CDH20: variants seen among roughly 807,000 people sequenced by gnomAD.
CDH20 encodes cadherin-20.
A neutral mutation model predicts 74.2 loss-of-function variants in CDH20; 29 were observed. The ratio of observed to expected loss-of-function variants is 0.39; its 90% CI spans 0.29 to 0.53. The LOEUF (loss-of-function observed/expected upper bound fraction) is 0.53. CDH20 is among the 20% of genes least tolerant of loss of function. The probability of loss-of-function intolerance (pLI) is 0.69; values close to 1 mark genes in which losing one functional copy is unlikely to be tolerated. For missense variants in CDH20, 988 were observed against 1,048.3 expected (o/e 0.94, Z 0.79); for synonymous variants, 469 against 405.4 (o/e 1.16, Z -1.88).
At chr18:61,464,731 C>T (rs1028703957) in intron 1 of CDH20, among the ~76,000 whole-genome samples, 1 of 152,154 alleles carries the variant, frequency 6.6e-6, no homozygotes, top group Admixed American at 6.5e-5. Context: ...AGCAACCACA[C>T]CCATTTATCA....
intron 2 of CDH20, among the ~76,000 whole-genome samples, chr18:61,496,682 A>T (rs943655617): frequency 4.6e-5 from 7 of 152,150 alleles, no homozygotes; most frequent in African/African-American, 1.7e-4. Flanking sequence ...TGAATATTTC[A>T]AGGATCACGG....
chr18:61,352,879 A>G (rs1910356164), intron 1 of CDH20, among the ~76,000 whole-genome samples: 1 of 152,196 alleles, frequency 6.6e-6, no homozygotes, highest in Non-Finnish European at 1.5e-5. Context: ...AGAAGTTCTC[A>G]TTGTTAGGGA....
chr18:61,373,919 C>A (rs1911124173), intron 1 of CDH20, among the ~76,000 whole-genome samples: 1 of 152,144 alleles, frequency 6.6e-6, no homozygotes, highest in Admixed American at 6.5e-5. Flanking sequence ...CACCATGGCT[C>A]AGATAACAAA....
At chr18:61,426,067 T>G (rs79743694) in intron 1 of CDH20, among the ~76,000 whole-genome samples, 5,684 of 152,254 alleles carry the variant, frequency 0.037, 154 homozygotes, top group South Asian at 0.072. Context: ...CCTGCAACTT[T>G]GTTGAACTCA....
At chr18:61,422,511 T>C (rs1302896375) in intron 1 of CDH20, among the ~76,000 whole-genome samples, 1 of 152,200 alleles carries the variant, frequency 6.6e-6, no homozygotes, top group Non-Finnish European at 1.5e-5. Context: ...CTGTTGACCT[T>C]TGCTGTGTTT....
At chr18:61,468,394 C>T (rs1176343054) in intron 1 of CDH20, among the ~76,000 whole-genome samples, 4 of 152,042 alleles carry the variant, frequency 2.6e-5, no homozygotes, top group African/African-American at 9.7e-5. Flanking sequence ...AAGGAAATCC[C>T]TTTTCATTTC....
chr18:61,513,909 C>G (rs1320607322), intron 6 of CDH20, among the ~76,000 whole-genome samples: 1 of 151,974 alleles, frequency 6.6e-6, no homozygotes, highest in South Asian at 2.1e-4. Flanking sequence ...GTAACCCGAC[C>G]TTTCTCTCTG....
At chr18:61,485,014 A>C (rs723769) in intron 1 of CDH20, among the ~76,000 whole-genome samples, 47,467 of 151,966 alleles carry the variant, frequency 0.31, 7,770 homozygotes, top group South Asian at 0.48. Flanking sequence ...CTGAGTGAAC[A>C]TGATAACAGC....
At chr18:61,505,847 T>A (rs1313828699) in intron 5 of CDH20, among the ~76,000 whole-genome samples, 2 of 152,208 alleles carry the variant, frequency 1.3e-5, no homozygotes, top group Non-Finnish European at 2.9e-5. Flanking sequence ...TTTTAAAACT[T>A]TGCATTCTCT....
intron 8 of CDH20, among the ~76,000 whole-genome samples, chr18:61,537,229 T>C (rs1343970578): frequency 6.6e-6 from 1 of 152,118 alleles, no homozygotes; most frequent in Non-Finnish European, 1.5e-5. Flanking sequence ...GTCCCTAACC[T>C]ATTGGCTATA....
At chr18:61,387,478 T>C (rs917309380) in intron 1 of CDH20, among the ~76,000 whole-genome samples, 2 of 152,212 alleles carry the variant, frequency 1.3e-5, no homozygotes, top group East Asian at 3.8e-4. Flanking sequence ...ATTTGGGATA[T>C]GTGTCAGTTT....
chr18:61,380,278 C>T (rs754228975), intron 1 of CDH20, among the ~76,000 whole-genome samples: 66 of 152,190 alleles, frequency 4.3e-4, no homozygotes, highest in Admixed American at 1.9e-3. Flanking sequence ...AAAGAAATAA[C>T]CATGGCAATT....
intron 4 of CDH20, 116 bp downstream of exon 4, chr18:61,500,618 A>C: frequency 9.2e-7 from 1 of 1,091,762 alleles, no homozygotes; most frequent in Non-Finnish European, 1.3e-6. Flanking sequence ...TTAACCAGAG[A>C]AGACTGCTCT....
At chr18:61,446,265 A>G (rs1198097249) in intron 1 of CDH20, among the ~76,000 whole-genome samples, 1 of 152,198 alleles carries the variant, frequency 6.6e-6, no homozygotes, top group Non-Finnish European at 1.5e-5. Context: ...CTTCACCTCC[A>G]TTCTGCTCAA....
At chr18:61,449,002 G>C (rs1040603693) in intron 1 of CDH20, among the ~76,000 whole-genome samples, 1 of 152,078 alleles carries the variant, frequency 6.6e-6, no homozygotes, top group African/African-American at 2.4e-5. Context: ...CCGACTCCAG[G>C]TACTTACAGA....
chr18:61,538,578 C>CTTTGTTTTTTTTTTTTTTT (rs1555684264), intron 8 of CDH20, among the ~76,000 whole-genome samples: 1 of 34,992 alleles, frequency 2.9e-5, no homozygotes, highest in Non-Finnish European at 7.6e-5. Flanking sequence ...TAAATAACTA[C>CTTTGTTTTTTTTTTTTTTT]TTTTTGTTTG....
At chr18:61,352,858 G>A (rs1417398976) in intron 1 of CDH20, among the ~76,000 whole-genome samples, 3 of 152,134 alleles carry the variant, frequency 2.0e-5, no homozygotes, top group African/African-American at 4.8e-5. Flanking sequence ...CAAGGTATCT[G>A]TTTCATTCAT....
chr18:61,391,008 A>G (rs1911763541), intron 1 of CDH20, among the ~76,000 whole-genome samples: 1 of 152,200 alleles, frequency 6.6e-6, no homozygotes, highest in Admixed American at 6.5e-5. Context: ...CATATGGTAA[A>G]AGCAGAACAA....
intron 9 of CDH20, among the ~76,000 whole-genome samples, chr18:61,539,533 C>T (rs550222228): frequency 3.3e-5 from 5 of 152,226 alleles, no homozygotes; most frequent in South Asian, 4.2e-4. Context: ...ACACAATGGC[C>T]GTATAAGGTA....
Sources: gnomAD v4.1 joint callset for allele counts (sites outside exome capture counted in the v4.1 genomes callset) on GRCh38, gnomAD v4.1.1 for gene constraint, MANE v1.5 for transcripts, NCBI Gene and HGNC (gene_info 2026-07-23, HGNC 2026-07-21) for gene names.